Variants in PRKG1 observed in about 807,000 individuals in gnomAD.
PRKG1 encodes the protein cGMP-dependent protein kinase 1.
Under a neutral mutation model 88.1 loss-of-function variants are expected in PRKG1, and 35 were observed. The ratio of observed to expected loss-of-function variants is 0.40; its 90% CI spans 0.30 to 0.53. The LOEUF (loss-of-function observed/expected upper bound fraction) is 0.53. Ranked by LOEUF, PRKG1 falls within the 20% of genes least tolerant of loss-of-function variation. The pLI is 0.59. For synonymous variants in PRKG1, 303 were observed against 292.5 expected (o/e 1.04, Z -0.37); for missense variants, 540 against 839.8 (o/e 0.64, Z 4.41).
chr10:52,227,166 C>T (rs1333604521), intron 9 of PRKG1, among the ~76,000 whole-genome samples: 2 of 152,056 alleles, frequency 1.3e-5, no homozygotes, highest in Non-Finnish European at 2.9e-5. Context: ...TCCAAATTCC[C>T]ATCACATTAT....
At chr10:51,589,821 C>T (rs1354886440) in intron 3 of PRKG1, among the ~76,000 whole-genome samples, 3 of 152,016 alleles carry the variant, frequency 2.0e-5, no homozygotes, top group East Asian at 1.9e-4. Flanking sequence ...ATTCACTCTA[C>T]GAAGATAAAA....
At chr10:52,024,423 G>A (rs1179388381) in intron 5 of PRKG1, among the ~76,000 whole-genome samples, 1 of 151,720 alleles carries the variant, frequency 6.6e-6, no homozygotes, top group Admixed American at 6.6e-5. Context: ...TTGGTTTGCT[G>A]CATTCATTAA....
chr10:51,646,798 A>C (rs1159974769), intron 3 of PRKG1, among the ~76,000 whole-genome samples: 2 of 152,020 alleles, frequency 1.3e-5, no homozygotes, highest in Non-Finnish European at 2.9e-5. Context: ...GGTCTTAATG[A>C]TGAGGCCAGC....
intron 5 of PRKG1, among the ~76,000 whole-genome samples, chr10:51,922,725 T>C (rs1280383398): frequency 3.3e-5 from 5 of 152,018 alleles, no homozygotes; most frequent in Non-Finnish European, 7.4e-5. Context: ...TATTATTGAT[T>C]TCTAATTTAA....
chr10:52,205,590 T>C (rs994141745), intron 9 of PRKG1, among the ~76,000 whole-genome samples: 1 of 152,188 alleles, frequency 6.6e-6, no homozygotes, highest in African/African-American at 2.4e-5. Context: ...TAAGAACCTC[T>C]TGTAAGGCAG....
intron 3 of PRKG1, among the ~76,000 whole-genome samples, chr10:51,654,774 A>T (rs1024506108): frequency 1.3e-5 from 2 of 152,156 alleles, no homozygotes; most frequent in Non-Finnish European, 2.9e-5. Context: ...ATAATTCCAA[A>T]TTTTTTGATT....
At chr10:51,023,477 A>G (rs200182376) in intron 1 of PRKG1, among the ~76,000 whole-genome samples, 1 of 152,336 alleles carries the variant, frequency 6.6e-6, no homozygotes, top group East Asian at 1.9e-4. Flanking sequence ...TAACTGTCAA[A>G]TGACAGGCTT....
At chr10:52,069,531 A>AAAACAAAC (rs143986129) in intron 7 of PRKG1, among the ~76,000 whole-genome samples, 26,231 of 152,060 alleles carry the variant, frequency 0.17, 2,852 homozygotes, top group South Asian at 0.28. Flanking sequence ...CTCCATCTCA[A>AAAACAAAC]AAACAAAAAA....
rs535258625 is a variant in PRKG1 at position 52,257,933 on chromosome 10, GT to G, written c.1173+6268del. On this transcript the variant is annotated intron_variant, in intron 10 of 17. Coordinates refer to ENST00000373980, the MANE Select transcript of PRKG1 (RefSeq NM_006258.4). ...AGTTTCAATGCAGAAATTACAAGTA[GT>G]AAAGCTTATCTCTACTTTGGTATAT... Among the ~76,000 whole-genome samples, 534 of 139,090 alleles carry G rather than the reference GT, an allele frequency of 3.8e-3. 38 individuals carry two copies. Among genetic ancestry groups the G allele is most frequent in the African/African-American group, 0.013 (508 of 40,286 alleles). The allele number at this position is 139,090 out of a possible 152,430, so 91.2% of individuals were successfully genotyped here.
chr10:52,203,292 A>G (rs568778952), intron 9 of PRKG1, among the ~76,000 whole-genome samples: 7 of 152,276 alleles, frequency 4.6e-5, no homozygotes, highest in Admixed American at 2.0e-4. Context: ...AATCAGGAGC[A>G]TGTTGTTTAA....
intron 4 of PRKG1, among the ~76,000 whole-genome samples, chr10:51,827,544 G>T (rs535283230): frequency 1.4e-4 from 21 of 152,044 alleles, no homozygotes; most frequent in African/African-American, 4.8e-4. Context: ...TCCAAACTGG[G>T]TTTATTAACT....
chr10:51,425,723 C>T (rs1171145395), intron 2 of PRKG1, among the ~76,000 whole-genome samples: 1 of 152,126 alleles, frequency 6.6e-6, no homozygotes, highest in African/African-American at 2.4e-5. Context: ...TTTCTGGATT[C>T]CAAAGAAAAC....
intron 10 of PRKG1, among the ~76,000 whole-genome samples, 153 bp from the exon 11 acceptor site, chr10:52,271,197 G>C (rs975799439): frequency 2.0e-5 from 3 of 151,946 alleles, no homozygotes; most frequent in African/African-American, 7.2e-5. Context: ...AGCCCTGGAT[G>C]TTAAACGCAG....
At chr10:52,013,563 A>G (rs1356108236) in intron 5 of PRKG1, among the ~76,000 whole-genome samples, 1 of 152,222 alleles carries the variant, frequency 6.6e-6, no homozygotes, top group East Asian at 1.9e-4. Flanking sequence ...ACAGTCCTAA[A>G]CTATAGGTAC....
At chr10:51,322,336 C>G (rs1162844013) in intron 2 of PRKG1, among the ~76,000 whole-genome samples, 5 of 152,274 alleles carry the variant, frequency 3.3e-5, no homozygotes, top group African/African-American at 1.2e-4. Flanking sequence ...TTCTCTAACC[C>G]TTGTGTAAAT....
chr10:51,375,170 G>T (rs1376611169), intron 2 of PRKG1, among the ~76,000 whole-genome samples: 1 of 152,076 alleles, frequency 6.6e-6, no homozygotes, highest in Non-Finnish European at 1.5e-5. Flanking sequence ...GATAATCAGG[G>T]GTCATCTTAG....
At chr10:51,246,272 C>T (rs1432036271) in intron 2 of PRKG1, among the ~76,000 whole-genome samples, 1 of 152,010 alleles carries the variant, frequency 6.6e-6, no homozygotes, top group Admixed American at 6.6e-5. Flanking sequence ...GGAAAAGGAA[C>T]TAATAAAAAG....
intron 3 of PRKG1, among the ~76,000 whole-genome samples, chr10:51,711,339 C>T (rs1025330921): frequency 2.4e-4 from 37 of 151,538 alleles, no homozygotes; most frequent in African/African-American, 9.0e-4. Flanking sequence ...CTCATGACCT[C>T]GTGATCGACC....
At chr10:51,631,174 C>T (rs1839516659) in intron 3 of PRKG1, among the ~76,000 whole-genome samples, 1 of 152,158 alleles carries the variant, frequency 6.6e-6, no homozygotes, top group Non-Finnish European at 1.5e-5. Flanking sequence ...CTTTTGTTGG[C>T]ATTCTTAGAG....
Sources: gnomAD v4.1 joint callset for allele counts (sites outside exome capture counted in the v4.1 genomes callset) on GRCh38, gnomAD v4.1.1 for gene constraint, MANE v1.5 for transcripts, NCBI Gene and HGNC (gene_info 2026-07-23, HGNC 2026-07-21) for gene names.